The following TBC1D15 variants were observed in gnomAD, a reference collection of about 807,000 sequenced individuals.
The protein encoded by TBC1D15 is TBC1 domain family member 15.
TBC1D15 carries 39 observed loss-of-function variants against 95.4 expected under a neutral mutation model. The observed-to-expected ratio is 0.41, with a 90% CI of 0.32 to 0.53. The LOEUF is 0.53. TBC1D15 is among the 20% of genes least tolerant of loss of function. The pLI is 0.29. For missense variants in TBC1D15, 733 were observed against 794.3 expected (o/e 0.92, Z 0.93); for synonymous variants, 258 against 261.3 (o/e 0.99, Z 0.12).
intron 3 of TBC1D15, among the ~76,000 whole-genome samples, chr12:71,874,777 C>T (rs1428741136): frequency 6.6e-6 from 1 of 151,564 alleles, no homozygotes; most frequent in African/African-American, 2.4e-5. Flanking sequence ...TTCCTGCCAC[C>T]ATGCCCAGCT....
intron 14 of TBC1D15, among the ~76,000 whole-genome samples, chr12:71,920,484 C>T (rs538816577): frequency 8.5e-5 from 13 of 152,252 alleles, no homozygotes; most frequent in Middle Eastern, 3.4e-3. Context: ...CAGTAATTTA[C>T]TTACTATAGT....
intron 11 of TBC1D15, among the ~76,000 whole-genome samples, chr12:71,910,324 A>T (rs868783607): frequency 2.0e-5 from 3 of 149,696 alleles, no homozygotes; most frequent in Middle Eastern, 6.8e-3. Context: ...CTTTTGGCTT[A>T]GGATTGACTT....
intron 1 of TBC1D15, among the ~76,000 whole-genome samples, chr12:71,843,010 G>A (rs537566803): frequency 6.6e-6 from 1 of 151,626 alleles, no homozygotes; most frequent in South Asian, 2.1e-4. Flanking sequence ...TTACTGGCCG[G>A]GCACGGTGGC....
chr12:71,922,605 C>G (rs1247667167), intron 16 of TBC1D15, among the ~76,000 whole-genome samples: 1 of 152,128 alleles, frequency 6.6e-6, no homozygotes, highest in African/African-American at 2.4e-5. Flanking sequence ...CTGTTCTCTT[C>G]CAAAGCATGT....
intron 4 of TBC1D15, among the ~76,000 whole-genome samples, chr12:71,884,266 T>C (rs1895784572): frequency 6.6e-6 from 1 of 152,220 alleles, no homozygotes; most frequent in South Asian, 2.1e-4. Context: ...GTTTTGTTTT[T>C]TGACTCTTCA....
Position 71,893,322 on chromosome 12 carries a change from C to A in TBC1D15, c.655C>A (p.Gln219Lys), listed in dbSNP as rs1410498085. Residue 219 changes from glutamine to lysine, a missense_variant and splice_region_variant, in exon 6 of 17, where the codon CAA becomes AAA. Transcript: ENST00000485960. ...TGATGAGCCAGCATATGGTTTAATA[C>A]AAGTATGTTCCTTAAATCTATCCTG... ...LLDEPAYGLIQKIKKDPYTAT... is the reference protein window; with the variant it reads ...LLDEPAYGLIKKIKKDPYTAT... The A allele has an allele frequency of 1.9e-6, 3 of 1,600,622 alleles. No homozygotes were observed. In the South Asian group the frequency reaches 3.3e-5, roughly 18 times the overall value.
Position 71,884,994 on chromosome 12 carries a change from C to G in TBC1D15, c.527C>G (p.Ser176Cys). 5 of 1,613,780 alleles carry G rather than the reference C, an allele frequency of 3.1e-6. No individual in the cohort carries two copies. Among genetic ancestry groups the G allele is most frequent in the Non-Finnish European group, 4.2e-6 (5 of 1,179,802 alleles). The stretch of plus-strand genomic sequence containing the variant: ...GGAGATAGCAAACTACTGATTGAAT[C>G]TCTTGAAAAATATGTGGTATTGTGT... ...HQGDSKLLIE[S>C]LEKYVVLCES... Residue 176 changes from serine (S) to cysteine (C), a missense_variant, in exon 5 of 17, where the codon TCT (serine) becomes TGT (cysteine). Physicochemically the swap from Ser to Cys is moderately radical, Grantham distance 112 (BLOSUM62 -1). Transcript: ENST00000485960.
chr12:71,850,149 C>A, intron 1 of TBC1D15: 1 of 549,540 alleles, frequency 1.8e-6, no homozygotes, highest in South Asian at 1.5e-5. Flanking sequence ...TCATGATAAT[C>A]ATATTATTTC....
intron 10 of TBC1D15, among the ~76,000 whole-genome samples, chr12:71,904,059 AC>A (rs1202680070): frequency 1.3e-5 from 2 of 152,262 alleles, no homozygotes; most frequent in Admixed American, 6.5e-5. Flanking sequence ...TAGTACAGTT[AC>A]AAAAAAAGAA....
At chr12:71,914,887 C>T (rs1026511937) in intron 12 of TBC1D15, among the ~76,000 whole-genome samples, 2 of 151,934 alleles carry the variant, frequency 1.3e-5, no homozygotes, top group African/African-American at 4.8e-5. Context: ...TTTTCTTTCT[C>T]CTTCAAATTT....
chr12:71,881,208 A>C (rs1246268412), intron 4 of TBC1D15, among the ~76,000 whole-genome samples: 1 of 152,224 alleles, frequency 6.6e-6, no homozygotes, highest in Non-Finnish European at 1.5e-5. Flanking sequence ...AGTGCAGTGC[A>C]TCACCTTTTC....
chr12:71,842,149 A>T (rs1885180792), intron 1 of TBC1D15, among the ~76,000 whole-genome samples: 1 of 152,164 alleles, frequency 6.6e-6, no homozygotes, highest in African/African-American at 2.4e-5. Context: ...TCCACCTAGG[A>T]TGTAACTTTT....
intron 10 of TBC1D15, among the ~76,000 whole-genome samples, chr12:71,899,948 GA>G (rs1443040404): frequency 6.6e-6 from 1 of 152,000 alleles, no homozygotes; most frequent in African/African-American, 2.4e-5. Context: ...GACAGAGCGA[GA>G]CCCCTTCTCA....
At chr12:71,908,924 G>A (rs1355765654) in intron 11 of TBC1D15, among the ~76,000 whole-genome samples, 2 of 152,178 alleles carry the variant, frequency 1.3e-5, no homozygotes, top group East Asian at 3.9e-4. Context: ...TACACCTTCA[G>A]CGCTTCAAAC....
Position 71,923,047 on chromosome 12 carries a change from C to G in TBC1D15, c.1868C>G (p.Ser623Ter). ...GGCAGTGAAGTTACAACACCAGATT[C>G]AGACGTTGGTGAAGACGAAAATGTT... ...LQGSEVTTPD[S>*]DVGEDENVVM... Residue 623 changes from serine to a stop codon, truncating the protein, a stop_gained, in exon 17 of 17, where the codon TCA becomes TGA. Coordinates refer to ENST00000485960, the MANE Select transcript of TBC1D15 (RefSeq NM_001146213.3). LOFTEE classifies it high-confidence loss of function. 1 of 1,614,218 alleles carries G rather than the reference C, an allele frequency of 6.2e-7. No individual in the cohort carries two copies. Among genetic ancestry groups the G allele is most frequent in the South Asian group, 1.1e-5 (1 of 91,086 alleles).
rs1231577357 is a variant in TBC1D15 at position 71,923,940 on chromosome 12, G to T, written c.*736G>T. ...AAAATTTAACATGGCTTCAGTATGA[G>T]ATCTTTTTCAAAACTATTTTCTTAA... On this transcript the variant is annotated 3_prime_UTR_variant, in exon 17 of 17. Transcript: ENST00000485960. The T allele has an allele frequency of 9.2e-5, 14 of 152,546 alleles. No homozygotes were observed. In the South Asian group the frequency reaches 2.9e-3, roughly 32 times the overall value. 9.4% of individuals were successfully genotyped at this position (152,546 alleles called of 1,614,324 possible). A position where few individuals can be genotyped will look rare whatever the true frequency, so the allele number is the denominator to read the frequency against.
At chr12:71,895,593 TA>T (rs1898014893) in intron 7 of TBC1D15, among the ~76,000 whole-genome samples, 1 of 152,110 alleles carries the variant, frequency 6.6e-6, no homozygotes, top group South Asian at 2.1e-4. Context: ...TCTTTTTAAA[TA>T]ATACAGCATA....
At position 71,888,308 on chromosome 12, in the gene TBC1D15, A is replaced by T. The variant is rs1231174635; in HGVS notation, c.554+3287A>T. ...AGACCAGCCTCGCCAACATGGTGAA[A>T]CCCCGTCTCTACTACAGATACAAGA... is the stretch of plus-strand genomic sequence containing the variant. On this transcript the variant is annotated intron_variant, in intron 5 of 16. Coordinates refer to ENST00000485960, the MANE Select transcript of TBC1D15 (RefSeq NM_001146213.3). Among the ~76,000 whole-genome samples, 10 of 152,104 alleles carry T rather than the reference A, an allele frequency of 6.6e-5. No homozygotes were observed. In the East Asian group the frequency reaches 1.7e-3, roughly 26 times the overall value.
intron 1 of TBC1D15, among the ~76,000 whole-genome samples, chr12:71,845,626 A>G (rs552831116): frequency 1.3e-5 from 2 of 152,318 alleles, no homozygotes; most frequent in East Asian, 3.9e-4. Flanking sequence ...TTTCCTGGGG[A>G]TGCTTTCTGG....
Sources: allele counts gnomAD v4.1 joint callset (sites outside exome capture counted in the v4.1 genomes callset), GRCh38; gene constraint gnomAD v4.1.1; transcripts MANE v1.5; gene names NCBI Gene and HGNC (gene_info 2026-07-23, HGNC 2026-07-21).